Variants in MYOM1 observed in about 807,000 individuals in gnomAD.
MYOM1 encodes the protein myomesin 1.
In MYOM1, 164 loss-of-function variants were observed where a neutral mutation model predicts 205.3. The observed-to-expected ratio is 0.80, with a 90% confidence interval of 0.70 to 0.91. The LOEUF is 0.91. Ranked by LOEUF, MYOM1 falls within the 40% of genes least tolerant of loss-of-function variation. The pLI, the probability that MYOM1 is intolerant of heterozygous loss-of-function variation, is 0.00. For missense variants in MYOM1, 2,011 were observed against 2,127.3 expected (o/e 0.95, Z 1.08); for synonymous variants, 772 against 789.4 (o/e 0.98, Z 0.37).
chr18:3,243,991 C>T, the MYOM1 span, among the ~76,000 whole-genome samples: 1 of 152,176 alleles, frequency 6.6e-6, no homozygotes, highest in African/African-American at 2.4e-5. Context: ...ATAGTACTCC[C>T]GAAATAATTG....
intron 3 of MYOM1, among the ~76,000 whole-genome samples, chr18:3,191,929 A>T (rs568654277): frequency 6.6e-6 from 1 of 152,024 alleles, no homozygotes; most frequent in African/African-American, 2.4e-5. Flanking sequence ...ATCTCCTGAC[A>T]TTGTGATCTG....
intron 10 of MYOM1, among the ~76,000 whole-genome samples, chr18:3,163,288 T>C (rs2080420505): frequency 6.6e-6 from 1 of 152,204 alleles, no homozygotes; most frequent in African/African-American, 2.4e-5. Context: ...AGATGGCTGG[T>C]ATCATTAGGA....
Position 3,144,774 on chromosome 18 carries a change from TATA to T in MYOM1, c.1901-2714_1901-2712del, listed in dbSNP as rs546116918. On this transcript the variant is annotated intron_variant, in intron 13 of 37. Transcript: ENST00000356443. ...ATAAAGTGGTCAATTCATAAGAGGA[TATA>T]ATAATAAAAATGTTAATACATCTAA... Among the ~76,000 whole-genome samples the T allele has an allele frequency of 4.4e-3, 667 of 152,242 alleles. 4 individuals carry two copies. Among genetic ancestry groups the T allele is most frequent in the African/African-American group, 0.015 (614 of 41,540 alleles).
At position 3,127,443 on chromosome 18, in the gene MYOM1, G is replaced by A. The variant is rs552754561; in HGVS notation, c.2795-546C>T. 9.9e-5 allele frequency among the ~76,000 whole-genome samples: 15 copies of A among 150,842 alleles called. No homozygotes were observed. In the South Asian group the frequency reaches 2.5e-3, roughly 25 times the overall value. ...CCTGCCTCAGCCTCCCAAGTAGTTG[G>A]GATTATAGGTGTGCACCACCATGCC... On this transcript the variant is annotated intron_variant, in intron 18 of 37. Transcript: ENST00000356443.
chr18:3,164,237 A>G (rs1477151567), intron 10 of MYOM1, 41 bp downstream of exon 10: 1 of 1,592,062 alleles, frequency 6.3e-7, no homozygotes, highest in Admixed American at 1.8e-5. Context: ...GCTTCAGTGT[A>G]CTAAATATTG....
intron 22 of MYOM1, 150 bp downstream of exon 22, chr18:3,112,148 C>G: frequency 1.6e-6 from 1 of 620,816 alleles, no homozygotes; most frequent in Non-Finnish European, 2.7e-6. Context: ...GGACCAATGA[C>G]TGTCATGTTC....
the MYOM1 span, among the ~76,000 whole-genome samples, chr18:3,239,290 G>A: frequency 6.6e-6 from 1 of 152,182 alleles, no homozygotes; most frequent in Admixed American, 6.5e-5. Context: ...GAGAGGAGGG[G>A]GAGGACAATG....
chr18:3,189,968 G>A lies in MYOM1; in HGVS notation c.432-881C>T, dbSNP rs936097313. Among the ~76,000 whole-genome samples the A allele has an allele frequency of 2.0e-5, 3 of 152,068 alleles. No homozygotes were observed. The highest frequency in any genetic ancestry group is 7.2e-5 in the African/African-American group (3 of 41,386). On this transcript the variant is annotated intron_variant, in intron 3 of 37. Coordinates refer to ENST00000356443, the MANE Select transcript of MYOM1 (RefSeq NM_003803.4). This position sits in a 1 kb window ranked among gnomAD's most constrained non-coding sequence, Gnocchi z 4.8. ...ACATGAGGTTCCTTATGCCTACTGG[G>A]TTTCTTTCTAAGATAATACATGTTG...
chr18:3,090,588 T>C (rs1283592149), intron 27 of MYOM1, 70 bp downstream of exon 27: 3 of 1,565,460 alleles, frequency 1.9e-6, no homozygotes, highest in East Asian at 2.3e-5. Context: ...ATAACAACTT[T>C]TGTGCCATGG....
chr18:3,069,373 G>A (rs1010165602), intron 37 of MYOM1, among the ~76,000 whole-genome samples: 25 of 152,172 alleles, frequency 1.6e-4, no homozygotes, highest in African/African-American at 5.6e-4. Context: ...ATCCAGATGT[G>A]ATAAGGAAAG....
Position 3,133,240 on chromosome 18 carries a change from A to C in MYOM1, c.2384+1410T>G, listed in dbSNP as rs185510707. On this transcript the variant is annotated intron_variant, in intron 16 of 37. Coordinates refer to ENST00000356443, the MANE Select transcript of MYOM1 (RefSeq NM_003803.4). ...TATTGCCTTCCCTAATTAATCATTT[A>C]TCTCTACTCTCTCACGTTCCGCAAA... Among the ~76,000 whole-genome samples the C allele has an allele frequency of 2.0e-5, 3 of 152,274 alleles. No homozygotes were observed. The East Asian group carries it at 5.8e-4, about 29-fold the overall frequency.
chr18:3,202,461 A>C (rs1443728103), intron 2 of MYOM1, among the ~76,000 whole-genome samples: 1 of 151,360 alleles, frequency 6.6e-6, no homozygotes, highest in East Asian at 1.9e-4. Context: ...CTAAATTTAA[A>C]GACACATTTG....
intron 31 of MYOM1, among the ~76,000 whole-genome samples, chr18:3,084,642 C>G (rs1045146566): frequency 6.6e-6 from 1 of 152,176 alleles, no homozygotes; most frequent in Non-Finnish European, 1.5e-5. Context: ...ATGGAATTTG[C>G]TTTCTTGCTG....
intron 6 of MYOM1, 115 bp from the exon 7 acceptor site, chr18:3,174,323 A>G (rs2080603443): frequency 2.4e-6 from 2 of 836,390 alleles, no homozygotes; most frequent in Non-Finnish European, 3.9e-6. Flanking sequence ...TGGCTAACAC[A>G]TGGCTCTTTG....
intron 14 of MYOM1, among the ~76,000 whole-genome samples, chr18:3,138,483 T>C (rs1243874586): frequency 6.6e-6 from 1 of 152,212 alleles, no homozygotes; most frequent in Non-Finnish European, 1.5e-5. Context: ...TGGCCTTGGT[T>C]TCGTCTTCTA....
At chr18:3,214,170 G>GA (rs1290092512) in intron 2 of MYOM1, among the ~76,000 whole-genome samples, 2 of 152,152 alleles carry the variant, frequency 1.3e-5, no homozygotes, top group African/African-American at 4.8e-5. Flanking sequence ...ATTAGATATT[G>GA]AAAAAATATT....
At chr18:3,237,055 C>A in the MYOM1 span, among the ~76,000 whole-genome samples, 2 of 151,936 alleles carry the variant, frequency 1.3e-5, no homozygotes, top group Non-Finnish European at 2.9e-5. Context: ...TTGACGAGCA[C>A]ACATTTGATG....
Position 3,134,765 on chromosome 18 carries a change from C to T in MYOM1, c.2269G>A (p.Val757Ile). The change falls in exon 16 of 38, where the codon GTT (valine) becomes ATT (isoleucine). Residue 757 changes from valine (V) to isoleucine (I), a missense_variant. Coordinates refer to ENST00000356443, the MANE Select transcript of MYOM1 (RefSeq NM_003803.4). The part of the protein sequence containing the change: ...PSRNTDTSVV[V>I]SWEESKDAKE... ...GCATCTTTGGACTCCTCCCACGAAA[C>T]TACCACTGAGGTGTCTGTGTTTCTG... 3 of 1,613,966 alleles carry T rather than the reference C, an allele frequency of 1.9e-6. No homozygotes were observed. The highest frequency in any genetic ancestry group is 1.1e-5 in the South Asian group (1 of 91,082).
rs2078973758 is a variant in MYOM1 at position 3,072,625 on chromosome 18, A to T, written c.4709-736T>A. Among the ~76,000 whole-genome samples, 8 of 152,080 alleles carry T rather than the reference A, an allele frequency of 5.3e-5. No individual in the cohort carries two copies. In the South Asian group the frequency reaches 1.5e-3, roughly 28 times the overall value. ...CGCCTCTGCCTCCCAAATTGCTGGG[A>T]TTACAGGTGTGAGCCACCATGCCTG... On this transcript the variant is annotated intron_variant, in intron 36 of 37. Coordinates refer to ENST00000356443, the MANE Select transcript of MYOM1 (RefSeq NM_003803.4).
Sources: gnomAD v4.1 joint callset for allele counts (sites outside exome capture counted in the v4.1 genomes callset) on GRCh38, gnomAD v4.1.1 for gene constraint, Gnocchi (gnomAD v3.1) non-coding constraint, MANE v1.5 for transcripts, NCBI Gene and HGNC (gene_info 2026-07-23, HGNC 2026-07-21) for gene names.